Variants in ADAMTSL1 observed in about 807,000 individuals in gnomAD.
ADAMTSL1 encodes the protein ADAMTS like 1.
Under a neutral mutation model 201.8 loss-of-function variants are expected in ADAMTSL1, and 126 were observed. The observed-to-expected ratio is 0.62, with a 90% CI of 0.54 to 0.72. The LOEUF is 0.72. Among genes scored for constraint, ADAMTSL1 ranks in the 30% least tolerant of loss-of-function variants. The pLI is 0.00. For missense variants in ADAMTSL1, 2,679 were observed against 2,277.8 expected, an observed-to-expected ratio of 1.18 and a Z score of -3.59; for synonymous variants, 1,121 against 903.4, an observed-to-expected ratio of 1.24 and a Z score of -4.32.
At chr9:18,236,813 T>C (rs1830868495) in intron 2 of ADAMTSL1, among the ~76,000 whole-genome samples, 1 of 152,234 alleles carries the variant, frequency 6.6e-6, no homozygotes, top group South Asian at 2.1e-4. Context: ...ACAATTGATA[T>C]TGTTTACATT....
intron 23 of ADAMTSL1, among the ~76,000 whole-genome samples, chr9:18,848,382 A>C (rs2131358808): frequency 6.6e-6 from 1 of 152,344 alleles, no homozygotes; most frequent in East Asian, 1.9e-4. Context: ...GGCGTGCTTA[A>C]TCATTTAGAA....
At chr9:18,798,183 C>T (rs1785608244) in intron 20 of ADAMTSL1, among the ~76,000 whole-genome samples, 1 of 151,888 alleles carries the variant, frequency 6.6e-6, no homozygotes, top group African/African-American at 2.4e-5. Flanking sequence ...TGCCAGTGTG[C>T]CTGCATTTAC....
chr9:17,954,286 C>T (rs1273857798), intron 1 of ADAMTSL1, among the ~76,000 whole-genome samples: 1 of 152,166 alleles, frequency 6.6e-6, no homozygotes, highest in African/African-American at 2.4e-5. Flanking sequence ...CTTGGATGCT[C>T]TGAAGCATTA....
At chr9:18,649,023 A>G (rs889883292) in intron 7 of ADAMTSL1, among the ~76,000 whole-genome samples, 1 of 152,138 alleles carries the variant, frequency 6.6e-6, no homozygotes, top group African/African-American at 2.4e-5. Context: ...TTTCAGGTAC[A>G]CCAATCAGAC....
chr9:18,698,368 C>G (rs897326375), intron 13 of ADAMTSL1, among the ~76,000 whole-genome samples: 1 of 152,126 alleles, frequency 6.6e-6, no homozygotes, highest in African/African-American at 2.4e-5. Context: ...ACTGCAACCT[C>G]CACCTCCTGA....
intron 4 of ADAMTSL1, among the ~76,000 whole-genome samples, chr9:18,589,224 C>G (rs1823751082): frequency 6.6e-6 from 1 of 152,006 alleles, no homozygotes; most frequent in Non-Finnish European, 1.5e-5. Flanking sequence ...GAATAGCTTT[C>G]CATTTTTTTG....
At chr9:18,808,678 T>A (rs1360610098) in intron 20 of ADAMTSL1, among the ~76,000 whole-genome samples, 1 of 152,252 alleles carries the variant, frequency 6.6e-6, no homozygotes. Flanking sequence ...CAGTTGTTTT[T>A]ATAACACAGT....
chr9:18,629,935 C>T lies in ADAMTSL1; in HGVS notation c.602-6008C>T, dbSNP rs376717739. ...ACCATTATAGTAACTATTTTAATAT[C>T]CATTCTGTGTTTGGATTGATTGATT... On this transcript the variant is annotated intron_variant, in intron 5 of 28. Coordinates refer to ENST00000380548, the MANE Select transcript of ADAMTSL1 (RefSeq NM_001040272.6). 3.9e-5 allele frequency among the ~76,000 whole-genome samples: 6 copies of T among 152,108 alleles called. No individual in the cohort carries two copies. In the South Asian group the frequency reaches 8.3e-4, roughly 21 times the overall value.
intron 2 of ADAMTSL1, among the ~76,000 whole-genome samples, chr9:18,280,918 C>G (rs60701392): frequency 0.03 from 4,563 of 150,316 alleles, 249 homozygotes; most frequent in African/African-American, 0.11. Flanking sequence ...CTCTGTCACC[C>G]AGACTGAAGT....
chr9:18,336,016 G>A (rs1002610949), intron 2 of ADAMTSL1, among the ~76,000 whole-genome samples: 5 of 152,068 alleles, frequency 3.3e-5, no homozygotes, highest in African/African-American at 9.7e-5. Context: ...GTCTCTTTAA[G>A]GCACAGTCTT....
intron 13 of ADAMTSL1, among the ~76,000 whole-genome samples, chr9:18,696,038 T>G (rs947068852): frequency 1.6e-4 from 24 of 152,136 alleles, no homozygotes; most frequent in African/African-American, 5.8e-4. Flanking sequence ...TGATACACAC[T>G]TTTAAGCAAC....
rs368302668 is a variant in ADAMTSL1 at position 18,800,307 on chromosome 9, G to A, written c.3805+4783G>A. Among the ~76,000 whole-genome samples, 397 of 145,906 alleles carry A rather than the reference G, an allele frequency of 2.7e-3. 2 individuals are homozygous for A. Among genetic ancestry groups the A allele is most frequent in the Middle Eastern group, 0.011 (3 of 280 alleles). On this transcript the variant is annotated intron_variant, in intron 20 of 28. Coordinates refer to ENST00000380548, the MANE Select transcript of ADAMTSL1 (RefSeq NM_001040272.6). ...CAGGAGAATCGCTTGAACCCGGGAG[G>A]TAGAGGTTGCAGTGAGCCAAGACCA... is the stretch of plus-strand genomic sequence containing the variant.
chr9:18,566,168 A>T (rs945027074), intron 3 of ADAMTSL1, among the ~76,000 whole-genome samples: 9 of 152,322 alleles, frequency 5.9e-5, no homozygotes, highest in African/African-American at 2.2e-4. Context: ...AAAGAAAAAA[A>T]TTAGATATTC....
intron 23 of ADAMTSL1, among the ~76,000 whole-genome samples, chr9:18,866,186 C>T (rs956938514): frequency 2.0e-4 from 29 of 144,964 alleles, no homozygotes; most frequent in African/African-American, 7.7e-4. Flanking sequence ...AGAAAGGAAC[C>T]TGTTAAAAGC....
intron 1 of ADAMTSL1, among the ~76,000 whole-genome samples, chr9:18,485,235 TA>T (rs1821928702): frequency 6.6e-6 from 1 of 152,296 alleles, no homozygotes; most frequent in Admixed American, 6.5e-5. Flanking sequence ...GGTTTTCTTT[TA>T]CCAGTACAAG....
chr9:18,348,968 T>A (rs564189509), intron 2 of ADAMTSL1, among the ~76,000 whole-genome samples: 1 of 152,328 alleles, frequency 6.6e-6, no homozygotes, highest in East Asian at 1.9e-4. Context: ...TTAATCCTCA[T>A]GTTGACCATG....
intron 23 of ADAMTSL1, among the ~76,000 whole-genome samples, chr9:18,848,575 T>C (rs766381610): frequency 1.1e-4 from 16 of 152,032 alleles, no homozygotes; most frequent in Non-Finnish European, 2.2e-4. Context: ...CCACCATATC[T>C]ATCTAAATCC....
At chr9:18,499,819 A>G (rs978240852) in intron 1 of ADAMTSL1, among the ~76,000 whole-genome samples, 1 of 152,184 alleles carries the variant, frequency 6.6e-6, no homozygotes, top group Non-Finnish European at 1.5e-5. Flanking sequence ...CTCTTATACT[A>G]TAACTTCAGC....
chr9:18,054,454 G>C (rs1822081358), intron 1 of ADAMTSL1, among the ~76,000 whole-genome samples: 1 of 152,194 alleles, frequency 6.6e-6, no homozygotes, highest in Non-Finnish European at 1.5e-5. Context: ...GTCATTCAAA[G>C]TTTGGCCCAG....
Sources: allele counts gnomAD v4.1 joint callset (sites outside exome capture counted in the v4.1 genomes callset), GRCh38; gene constraint gnomAD v4.1.1; transcripts MANE v1.5; gene names NCBI Gene and HGNC (gene_info 2026-07-23, HGNC 2026-07-21).